GLTP: variants seen among roughly 807,000 people sequenced by gnomAD.
GLTP encodes glycolipid transfer protein.
In GLTP, 22 loss-of-function variants were observed where a neutral mutation model predicts 24.0. The ratio of observed to expected loss-of-function variants is 0.92; its 90% CI spans 0.65 to 1.31. The LOEUF is 1.31. Ranked by LOEUF, GLTP falls within the 50% of genes most tolerant of loss-of-function variation. The pLI is 0.00. For missense variants in GLTP, 224 were observed against 276.6 expected (o/e 0.81, Z 1.35); for synonymous variants, 92 against 115.9 (o/e 0.79, Z 1.33).
At chr12:109,878,040 T>C (rs1383951689) in intron 1 of GLTP, among the ~76,000 whole-genome samples, 2 of 152,268 alleles carry the variant, frequency 1.3e-5, no homozygotes, top group East Asian at 3.9e-4. Flanking sequence ...GCGGCTTCTG[T>C]ATAAATGGTA....
Position 109,857,277 on chromosome 12 carries a change from G to A in GLTP, c.296+249C>T, listed in dbSNP as rs1892809181. Reference sequence around the variant, plus strand: ...CTCACAGAATATGAAACCCAATCAGGTGTATAAAGAGCTTAGCACAACTCC... The same window carrying A: ...CTCACAGAATATGAAACCCAATCAGATGTATAAAGAGCTTAGCACAACTCC... On this transcript the variant is annotated intron_variant, in intron 3 of 4. Transcript: ENST00000318348. The surrounding 1 kb of genome is among the most constrained non-coding windows in gnomAD (Gnocchi z 4.3). Among the ~76,000 whole-genome samples the A allele has an allele frequency of 6.6e-6, 1 of 152,168 alleles. No homozygotes were observed. The highest frequency in any genetic ancestry group is 6.6e-5 in the Admixed American group (1 of 15,266).
At chr12:109,853,121 G>A (rs1162566482) in intron 4 of GLTP, among the ~76,000 whole-genome samples, 3 of 152,148 alleles carry the variant, frequency 2.0e-5, no homozygotes, top group African/African-American at 7.2e-5. Context: ...CAGGCATACA[G>A]TAGGCACTCA....
chr12:109,871,928 G>A (rs779064001), intron 1 of GLTP, among the ~76,000 whole-genome samples: 3 of 152,206 alleles, frequency 2.0e-5, no homozygotes, highest in African/African-American at 7.2e-5. Flanking sequence ...AAGCATCCCT[G>A]TGCAGCAGAG....
At chr12:109,877,419 G>C (rs1307631972) in intron 1 of GLTP, among the ~76,000 whole-genome samples, 1 of 152,072 alleles carries the variant, frequency 6.6e-6, no homozygotes, top group Non-Finnish European at 1.5e-5. Context: ...ACAGCTTTTG[G>C]CTCTGAGTCA....
chr12:109,873,802 T>C (rs1868802673), intron 1 of GLTP, among the ~76,000 whole-genome samples: 1 of 151,348 alleles, frequency 6.6e-6, no homozygotes, highest in South Asian at 2.1e-4. Context: ...AAGCAAGACC[T>C]TGTCTCTTAA....
intron 1 of GLTP, among the ~76,000 whole-genome samples, chr12:109,875,685 T>C (rs1271374589): frequency 6.6e-6 from 1 of 152,204 alleles, no homozygotes; most frequent in African/African-American, 2.4e-5. Flanking sequence ...TAAGTGGATG[T>C]AGTAAAACCT....
chr12:109,856,238 ATCTT>A (rs1251149417), intron 3 of GLTP, among the ~76,000 whole-genome samples: 1 of 152,142 alleles, frequency 6.6e-6, no homozygotes, highest in Non-Finnish European at 1.5e-5. Context: ...AGCCCTCAGC[ATCTT>A]TCTAAGTCTG....
chr12:109,855,819 G>A lies in GLTP; in HGVS notation c.297-50C>T, dbSNP rs376333223. The A allele has an allele frequency of 1.1e-4, 162 of 1,453,144 alleles. No homozygotes were observed. The highest frequency in any genetic ancestry group is 4.2e-4 in the African/African-American group (29 of 69,462). The allele number at this position is 1,453,144 out of a possible 1,614,324, so 90.0% of individuals were successfully genotyped here. On this transcript the variant is annotated intron_variant, in intron 3 of 4. Coordinates refer to ENST00000318348, the MANE Select transcript of GLTP (RefSeq NM_016433.4). The surrounding 1 kb of genome is among the most constrained non-coding windows in gnomAD (Gnocchi z 4.1). ...CGTTAGGACCCTGCACAGCCCTGTC[G>A]TGAAAGACCCTGATGGACTCTGAAT...
chr12:109,873,445 C>T (rs1180758833), intron 1 of GLTP, among the ~76,000 whole-genome samples: 1 of 151,974 alleles, frequency 6.6e-6, no homozygotes, highest in Non-Finnish European at 1.5e-5. Flanking sequence ...CCAGCCTAGC[C>T]AGCATGGTGA....
In GLTP at chr12:109,855,179, C is replaced by T. The variant is rs895122999; in HGVS notation, c.447+440G>A. ...AGCCCTGGCCAATGTCACCCCAACA[C>T]AAGCCACCAAGAACCCAGAGGGCCG... On this transcript the variant is annotated intron_variant, in intron 4 of 4. Transcript: ENST00000318348. This position sits in a 1 kb window ranked among gnomAD's most constrained non-coding sequence, Gnocchi z 4.1. 7.9e-5 allele frequency among the ~76,000 whole-genome samples: 12 copies of T among 152,216 alleles called. No individual in the cohort carries two copies. The highest frequency in any genetic ancestry group is 2.7e-4 in the African/African-American group (11 of 41,458).
At chr12:109,856,231 C>T (rs942982817) in intron 3 of GLTP, among the ~76,000 whole-genome samples, 4 of 152,202 alleles carry the variant, frequency 2.6e-5, no homozygotes, top group Non-Finnish European at 4.4e-5. Flanking sequence ...ACTCCCCAGC[C>T]CTCAGCATCT....
chr12:109,853,489 G>A (rs1311645889), intron 4 of GLTP, among the ~76,000 whole-genome samples: 8 of 151,756 alleles, frequency 5.3e-5, no homozygotes, highest in Non-Finnish European at 1.0e-4. Flanking sequence ...AGGAGTTCGA[G>A]ACCAGCCTGG....
intron 1 of GLTP, among the ~76,000 whole-genome samples, chr12:109,869,949 G>A (rs112313103): frequency 0.019 from 2,879 of 151,262 alleles, 88 homozygotes; most frequent in African/African-American, 0.066. Flanking sequence ...AAGAGACAAG[G>A]TTTCACCATA....
chr12:109,866,413 G>A (rs1471971192), intron 1 of GLTP: 1 of 152,318 alleles, frequency 6.6e-6, no homozygotes, highest in Non-Finnish European at 1.5e-5. Context: ...CCCAATCAGT[G>A]TAGCACACTA....
At chr12:109,865,600 T>TG (rs917439009) in intron 1 of GLTP, among the ~76,000 whole-genome samples, 9 of 149,042 alleles carry the variant, frequency 6.0e-5, no homozygotes, top group African/African-American at 1.8e-4. Flanking sequence ...AGATTCTGTT[T>TG]GAAAAAAAAA....
intron 4 of GLTP, among the ~76,000 whole-genome samples, chr12:109,854,757 A>G (rs1340699108): frequency 6.6e-6 from 1 of 152,186 alleles, no homozygotes; most frequent in Non-Finnish European, 1.5e-5. Flanking sequence ...CGAGGGGCCC[A>G]TGGGAATGGG....
At chr12:109,854,301 G>A (rs1043201142) in intron 4 of GLTP, among the ~76,000 whole-genome samples, 3 of 150,240 alleles carry the variant, frequency 2.0e-5, no homozygotes, top group East Asian at 3.9e-4. Flanking sequence ...TGGAGGTTGC[G>A]GTAAGCTAAG....
At chr12:109,862,458 G>C (rs1868394370) in intron 1 of GLTP, among the ~76,000 whole-genome samples, 1 of 152,176 alleles carries the variant, frequency 6.6e-6, no homozygotes, top group South Asian at 2.1e-4. Context: ...GTGCTGCCAG[G>C]GGGTGCAAAT....
intron 1 of GLTP, among the ~76,000 whole-genome samples, chr12:109,877,551 T>G (rs1868926737): frequency 6.6e-6 from 1 of 152,116 alleles, no homozygotes. Context: ...GGAATGCTGC[T>G]AAACATCTTA....
Sources: gnomAD v4.1 joint callset for allele counts (sites outside exome capture counted in the v4.1 genomes callset) on GRCh38, gnomAD v4.1.1 for gene constraint, Gnocchi (gnomAD v3.1) non-coding constraint, MANE v1.5 for transcripts, NCBI Gene and HGNC (gene_info 2026-07-23, HGNC 2026-07-21) for gene names.